The following CLNK variants were observed in gnomAD, a reference collection of about 807,000 sequenced individuals.
The protein encoded by CLNK is cytokine dependent hematopoietic cell linker.
CLNK carries 74 observed loss-of-function variants against 68.6 expected under a neutral mutation model. The observed-to-expected ratio is 1.08, with a 90% CI of 0.89 to 1.31. The LOEUF (loss-of-function observed/expected upper bound fraction) is 1.31, where lower values mean the gene tolerates loss of function less well. CLNK is among the 50% of genes most tolerant of loss of function. The pLI is 0.00. For missense variants in CLNK, 553 were observed against 515.3 expected, an observed-to-expected ratio of 1.07 and a Z score of -0.71; for synonymous variants, 198 against 172.2, an observed-to-expected ratio of 1.15 and a Z score of -1.17.
chr4:10,727,554 T>C, the CLNK span, among the ~76,000 whole-genome samples: 1 of 152,184 alleles, frequency 6.6e-6, no homozygotes, highest in Non-Finnish European at 1.5e-5. Context: ...TAAAGTGTGA[T>C]CAGACAGCAC....
At chr4:10,668,055 G>T in intron 1 of CLNK, 144 bp from the exon 2 acceptor site, 1 of 456,932 alleles carries the variant, frequency 2.2e-6, no homozygotes, top group Non-Finnish European at 4.0e-6. Context: ...TCCAGGTCAA[G>T]AATTGGCTTA....
chr4:10,498,700 A>G (rs909780271), intron 18 of CLNK, among the ~76,000 whole-genome samples: 2 of 152,210 alleles, frequency 1.3e-5, no homozygotes, highest in African/African-American at 4.8e-5. Flanking sequence ...TGGGCTTGAT[A>G]GGTCCCAGGC....
chr4:10,646,124 T>G (rs1399627595), intron 2 of CLNK, among the ~76,000 whole-genome samples: 2 of 152,194 alleles, frequency 1.3e-5, no homozygotes, highest in Non-Finnish European at 2.9e-5. Flanking sequence ...GGAATTTAAT[T>G]TAAATTTCAA....
chr4:10,683,602 A>G (rs888660161), intron 1 of CLNK, among the ~76,000 whole-genome samples: 1 of 152,224 alleles, frequency 6.6e-6, no homozygotes, highest in Non-Finnish European at 1.5e-5. Context: ...AAACCAGGGA[A>G]AGTAATAGCC....
In CLNK at chr4:10,487,363, C is replaced by T. The variant is rs1459180230; in HGVS notation, c.*3104G>A. 1 of 152,182 alleles carries T rather than the reference C, an allele frequency of 6.6e-6. No individual in the cohort carries two copies. Among genetic ancestry groups the T allele is most frequent in the African/African-American group, 2.4e-5 (1 of 41,438 alleles). 9.4% of individuals were successfully genotyped at this position (152,182 alleles called of 1,614,324 possible). On this transcript the variant is annotated 3_prime_UTR_variant, in exon 19 of 19. Coordinates refer to ENST00000226951, the MANE Select transcript of CLNK (RefSeq NM_052964.4). ...TTATAAAATGCATTAGAAATAGCTG[C>T]CCTCTCTTCTTTACAGAAGTGTTGT... is the stretch of plus-strand genomic sequence containing the variant.
At position 10,592,715 on chromosome 4, in the gene CLNK, GTTTA is replaced by G. The variant is rs563878191; in HGVS notation, c.83+5259_83+5262del. On this transcript the variant is annotated intron_variant, in intron 3 of 18. Transcript: ENST00000226951. ...TTGTTGTTTGTTTGTTTGTTTGTTT[GTTTA>G]TTTATTTATTTATTAGTTTCTTTTG... 6.1e-3 allele frequency among the ~76,000 whole-genome samples: 894 copies of G among 146,486 alleles called. 7 individuals carry two copies. Among genetic ancestry groups the G allele is most frequent in the African/African-American group, 0.017 (674 of 39,768 alleles).
intron 2 of CLNK, among the ~76,000 whole-genome samples, chr4:10,627,588 C>G (rs1722723114): frequency 6.6e-6 from 1 of 152,120 alleles, no homozygotes. Flanking sequence ...GAGAGAGAGA[C>G]AGAGAAGGAC....
chr4:10,678,514 C>G (rs990730149), intron 1 of CLNK, among the ~76,000 whole-genome samples: 1 of 152,012 alleles, frequency 6.6e-6, no homozygotes, highest in Non-Finnish European at 1.5e-5. Context: ...AATTGTAAGA[C>G]ACCCAAGGCT....
intron 1 of CLNK, among the ~76,000 whole-genome samples, chr4:10,673,209 G>C (rs1724726634): frequency 1.3e-5 from 2 of 152,134 alleles, no homozygotes; most frequent in Admixed American, 1.3e-4. Flanking sequence ...CAATGTGCCA[G>C]TCACGTTCCA....
At chr4:10,692,819 C>T in the CLNK span, among the ~76,000 whole-genome samples, 8 of 152,192 alleles carry the variant, frequency 5.3e-5, no homozygotes, top group Admixed American at 2.6e-4. Context: ...CCTACAAGAG[C>T]ACTTGCTCAG....
chr4:10,634,150 G>T (rs1722992805), intron 2 of CLNK, among the ~76,000 whole-genome samples: 1 of 152,186 alleles, frequency 6.6e-6, no homozygotes, highest in African/African-American at 2.4e-5. Flanking sequence ...GCTCAGAGAA[G>T]AGAAACAGAG....
chr4:10,510,233 G>C (rs1384289449), intron 16 of CLNK, among the ~76,000 whole-genome samples: 1 of 152,156 alleles, frequency 6.6e-6, no homozygotes, highest in African/African-American at 2.4e-5. Context: ...CTTGCGGGGG[G>C]AGGGGGGAAG....
chr4:10,683,433 G>A (rs925155585), intron 1 of CLNK, among the ~76,000 whole-genome samples: 1 of 152,308 alleles, frequency 6.6e-6, no homozygotes, highest in South Asian at 2.1e-4. Flanking sequence ...CCACCCAGGA[G>A]TGAGTTTAGG....
chr4:10,646,877 G>A (rs1723534572), intron 2 of CLNK, among the ~76,000 whole-genome samples: 3 of 152,326 alleles, frequency 2.0e-5, no homozygotes, highest in East Asian at 3.9e-4. Flanking sequence ...CACAGCCATA[G>A]ATTTGGCAAC....
chr4:10,678,847 C>T (rs1278359979), intron 1 of CLNK, among the ~76,000 whole-genome samples: 1 of 152,130 alleles, frequency 6.6e-6, no homozygotes, highest in Non-Finnish European at 1.5e-5. Flanking sequence ...CAAACCACTG[C>T]TCAATGAAAT....
chr4:10,564,920 A>G (rs1720044524), intron 6 of CLNK, 143 bp from the exon 7 acceptor site: 1 of 642,168 alleles, frequency 1.6e-6, no homozygotes, highest in Non-Finnish European at 2.8e-6. Context: ...TTAACAGAGT[A>G]GGAGACTGAC....
intron 7 of CLNK, among the ~76,000 whole-genome samples, chr4:10,559,226 T>C (rs1232688569): frequency 6.6e-6 from 1 of 152,134 alleles, no homozygotes; most frequent in East Asian, 1.9e-4. Flanking sequence ...GTATTAGTCT[T>C]TATTGGCACC....
intron 1 of CLNK, among the ~76,000 whole-genome samples, chr4:10,680,391 T>G (rs1223086341): frequency 1.4e-5 from 2 of 138,730 alleles, no homozygotes; most frequent in African/African-American, 2.6e-5. Context: ...GGGGGAGGGA[T>G]AGCATTAGGA....
intron 1 of CLNK, among the ~76,000 whole-genome samples, chr4:10,673,042 T>G (rs900224243): frequency 6.6e-6 from 1 of 152,200 alleles, no homozygotes; most frequent in Non-Finnish European, 1.5e-5. Flanking sequence ...CATCCAAAGA[T>G]TTTAACAATT....
Sources: gnomAD v4.1 joint callset for allele counts (sites outside exome capture counted in the v4.1 genomes callset) on GRCh38, gnomAD v4.1.1 for gene constraint, MANE v1.5 for transcripts, NCBI Gene and HGNC (gene_info 2026-07-23, HGNC 2026-07-21) for gene names.